PCDHGA5: variants seen among roughly 807,000 people sequenced by gnomAD.
PCDHGA5 encodes the protein protocadherin gamma-A5.
Under a neutral mutation model 56.7 loss-of-function variants are expected in PCDHGA5, and 36 were observed. The ratio of observed to expected loss-of-function variants is 0.64; its 90% CI spans 0.49 to 0.84. The LOEUF is 0.84. Among genes scored for constraint, PCDHGA5 ranks in the 40% least tolerant of loss-of-function variants. The pLI is 0.00. For synonymous variants in PCDHGA5, 563 were observed against 520.2 expected (o/e 1.08, Z -1.12); for missense variants, 1,305 against 1,201.5 (o/e 1.09, Z -1.27).
At chr5:141,443,498 C>G (rs1217918256) in intron 1 of PCDHGA5, among the ~76,000 whole-genome samples, 3 of 152,036 alleles carry the variant, frequency 2.0e-5, no homozygotes, top group Non-Finnish European at 4.4e-5. Context: ...AACAAACAAA[C>G]AAATAAAGAG....
At chr5:141,501,600 C>G (rs1320824291) in intron 2 of PCDHGA5, among the ~76,000 whole-genome samples, 1 of 152,040 alleles carries the variant, frequency 6.6e-6, no homozygotes, top group Admixed American at 6.6e-5. Flanking sequence ...TCTACCAGTT[C>G]CAGCTGTGTG....
At chr5:141,448,782 T>C (rs2098606045) in intron 1 of PCDHGA5, among the ~76,000 whole-genome samples, 1 of 148,758 alleles carries the variant, frequency 6.7e-6, no homozygotes, top group Non-Finnish European at 1.5e-5. Flanking sequence ...GTACTAAAAA[T>C]ACAAAAAAAA....
At chr5:141,407,964 C>G in intron 1 of PCDHGA5, 1 of 683,628 alleles carries the variant, frequency 1.5e-6, no homozygotes, top group Non-Finnish European at 2.3e-6. Context: ...GCAGAGCAAG[C>G]GCTGACGCCG....
intron 1 of PCDHGA5, among the ~76,000 whole-genome samples, chr5:141,455,095 A>G (rs910300076): frequency 2.6e-5 from 4 of 151,836 alleles, no homozygotes; most frequent in African/African-American, 9.7e-5. Flanking sequence ...TACAGGCTTG[A>G]GCCACTGCGC....
intron 1 of PCDHGA5, among the ~76,000 whole-genome samples, chr5:141,405,769 C>T (rs1363688527): frequency 2.6e-5 from 4 of 152,080 alleles, no homozygotes; most frequent in Non-Finnish European, 2.9e-5. Context: ...TGAGCCACTG[C>T]GCCTGGCCCT....
intron 1 of PCDHGA5, chr5:141,409,541 G>T: frequency 6.2e-7 from 1 of 1,613,970 alleles, no homozygotes; most frequent in Non-Finnish European, 8.5e-7. Context: ...TGACATCAAC[G>T]ACAACGCCCC....
At chr5:141,448,331 A>T (rs2098582637) in intron 1 of PCDHGA5, among the ~76,000 whole-genome samples, 1 of 152,146 alleles carries the variant, frequency 6.6e-6, no homozygotes, top group Non-Finnish European at 1.5e-5. Flanking sequence ...GAATCTTTAT[A>T]GCCATGTACC....
chr5:141,374,827 T>G, intron 1 of PCDHGA5: 1 of 1,613,964 alleles, frequency 6.2e-7, no homozygotes, highest in Non-Finnish European at 8.5e-7. Flanking sequence ...CTGTCTACCG[T>G]GTAAGTGTTC....
At chr5:141,383,700 C>G in intron 1 of PCDHGA5, 1 of 1,613,936 alleles carries the variant, frequency 6.2e-7, no homozygotes, top group South Asian at 1.1e-5. Flanking sequence ...TACATGCTAT[C>G]GACCTGGACG....
At chr5:141,374,701 C>T (rs781441820) in intron 1 of PCDHGA5, 2 of 1,608,962 alleles carry the variant, frequency 1.2e-6, no homozygotes, top group East Asian at 2.2e-5. Context: ...AAGGAGAAGC[C>T]GTTTACCGCC....
In PCDHGA5 at chr5:141,432,877, C is replaced by T. The variant is rs375043811; in HGVS notation, c.2422-61930C>T. 108 of 1,614,082 alleles carry T rather than the reference C, an allele frequency of 6.7e-5. No homozygotes were observed. Among genetic ancestry groups the T allele is most frequent in the Non-Finnish European group, 7.6e-5 (90 of 1,180,018 alleles). On this transcript the variant is annotated intron_variant, in intron 1 of 3. Coordinates refer to ENST00000518069, the MANE Select transcript of PCDHGA5 (RefSeq NM_018918.3). The surrounding 1 kb of genome is among the most constrained non-coding windows in gnomAD (Gnocchi z 6.0). Reference sequence around the variant, plus strand: ...CCGCGGTCTCCTGCGTCTTCCTGGCCTTCGTCATCTTGCTGCTGGCGCTCA... The same window carrying T: ...CCGCGGTCTCCTGCGTCTTCCTGGCTTTCGTCATCTTGCTGCTGGCGCTCA...
At chr5:141,472,022 T>A (rs949257396) in intron 1 of PCDHGA5, among the ~76,000 whole-genome samples, 6 of 152,176 alleles carry the variant, frequency 3.9e-5, no homozygotes, top group African/African-American at 1.4e-4. Context: ...CTATATTGTA[T>A]GTAGAAAGCT....
chr5:141,378,863 G>C (rs934816631), intron 1 of PCDHGA5: 1 of 152,136 alleles, frequency 6.6e-6, no homozygotes, highest in Non-Finnish European at 1.5e-5. Context: ...AATGATGTTC[G>C]AATAGAAAAT....
chr5:141,394,208 C>T (rs972602841), intron 1 of PCDHGA5: 2 of 1,613,814 alleles, frequency 1.2e-6, no homozygotes, highest in African/African-American at 1.3e-5. Context: ...TAGAGAACAA[C>T]CTGAGAGGAG....
intron 1 of PCDHGA5, chr5:141,399,389 C>G: frequency 1.2e-6 from 2 of 1,614,024 alleles, no homozygotes; most frequent in East Asian, 2.2e-5. Flanking sequence ...ATCACAGCCA[C>G]AGACAGGGGC....
chr5:141,432,286 C>T lies in PCDHGA5; in HGVS notation c.2422-62521C>T. ...TATCGTCCTACGTGTCCATCAACTCCGACACTGGGGTACTGTATGCGCTGA... is the reference window on the plus strand; with the variant it reads ...TATCGTCCTACGTGTCCATCAACTCTGACACTGGGGTACTGTATGCGCTGA... On this transcript the variant is annotated intron_variant, in intron 1 of 3. Transcript: ENST00000518069. This position sits in a 1 kb window ranked among gnomAD's most constrained non-coding sequence, Gnocchi z 6.0. 3 of 1,614,252 alleles carry T rather than the reference C, an allele frequency of 1.9e-6. No homozygotes were observed. Among genetic ancestry groups the T allele is most frequent in the Non-Finnish European group, 2.5e-6 (3 of 1,180,048 alleles).
intron 1 of PCDHGA5, among the ~76,000 whole-genome samples, chr5:141,457,628 C>T (rs1210673176): frequency 6.6e-6 from 1 of 152,244 alleles, no homozygotes; most frequent in Non-Finnish European, 1.5e-5. Context: ...TAATCTTATA[C>T]TTGGCCTGAT....
intron 1 of PCDHGA5, among the ~76,000 whole-genome samples, chr5:141,451,090 A>G (rs2098706546): frequency 6.6e-6 from 1 of 151,864 alleles, no homozygotes; most frequent in Non-Finnish European, 1.5e-5. Context: ...GACCTCCCAA[A>G]GTGTTGGGAT....
chr5:141,432,305 G>T lies in PCDHGA5; in HGVS notation c.2422-62502G>T. 1 of 1,614,254 alleles carries T rather than the reference G, an allele frequency of 6.2e-7. No individual in the cohort carries two copies. Among genetic ancestry groups the T allele is most frequent in the African/African-American group, 1.3e-5 (1 of 75,072 alleles). ...CAACTCCGACACTGGGGTACTGTAT[G>T]CGCTGAGCTCCTTCGACTACGAGCA... On this transcript the variant is annotated intron_variant, in intron 1 of 3. Transcript: ENST00000518069. This position sits in a 1 kb window ranked among gnomAD's most constrained non-coding sequence, Gnocchi z 6.0.
Sources: gnomAD v4.1 joint callset for allele counts (sites outside exome capture counted in the v4.1 genomes callset) on GRCh38, gnomAD v4.1.1 for gene constraint, Gnocchi (gnomAD v3.1) non-coding constraint, MANE v1.5 for transcripts, NCBI Gene and HGNC (gene_info 2026-07-23, HGNC 2026-07-21) for gene names.